Variants in CERS4 observed in about 807,000 individuals in gnomAD.
The protein encoded by CERS4 is ceramide synthase 4.
In CERS4, 65 loss-of-function variants were observed where a neutral mutation model predicts 51.8. That is an observed-to-expected ratio of 1.26 (90% CI 1.03 to 1.54). The LOEUF (loss-of-function observed/expected upper bound fraction) is 1.54. Among genes scored for constraint, CERS4 ranks in the 40% most tolerant of loss-of-function variants. The probability of loss-of-function intolerance (pLI) is 0.00; values close to 1 mark genes in which losing one functional copy is unlikely to be tolerated. For synonymous variants in CERS4, 228 were observed against 208.4 expected, an observed-to-expected ratio of 1.09 and a Z score of -0.81; for missense variants, 563 against 500.4, an observed-to-expected ratio of 1.13 and a Z score of -1.19.
At chr19:8,217,784 G>A (rs148410847) in intron 2 of CERS4, among the ~76,000 whole-genome samples, 8,296 of 151,946 alleles carry the variant, frequency 0.055, 281 homozygotes, top group East Asian at 0.16. Flanking sequence ...TGATCCGCCC[G>A]CCTCGGCCTC....
At chr19:8,260,969 AAAAAAAAAC>A (rs1433028113) in intron 10 of CERS4, 5 of 111,786 alleles carry the variant, frequency 4.5e-5, no homozygotes, top group African/African-American at 1.0e-4. Flanking sequence ...AAAAAAAAAA[AAAAAAAAAC>A]AAGAACCACA....
chr19:8,251,290 G>A (rs751375390), intron 3 of CERS4, 41 bp downstream of exon 3: 23 of 1,532,790 alleles, frequency 1.5e-5, no homozygotes, highest in African/African-American at 8.3e-5. Flanking sequence ...CCCCGCAGTC[G>A]CTCCAGTATG....
At chr19:8,244,930 G>T (rs1968691945) in intron 2 of CERS4, among the ~76,000 whole-genome samples, 1 of 151,914 alleles carries the variant, frequency 6.6e-6, no homozygotes. Flanking sequence ...GGATCACGAG[G>T]TCAGGAGATC....
chr19:8,238,599 A>G (rs571137155), intron 2 of CERS4: 3 of 985,302 alleles, frequency 3.0e-6, no homozygotes, highest in South Asian at 9.4e-5. Flanking sequence ...TTCCCACAGC[A>G]GGCACCAGGC....
At chr19:8,236,958 A>T (rs925994200) in intron 2 of CERS4, among the ~76,000 whole-genome samples, 6 of 127,976 alleles carry the variant, frequency 4.7e-5, no homozygotes, top group African/African-American at 1.7e-4. Flanking sequence ...AACTGAGATC[A>T]GGCCACTGCA....
chr19:8,257,877 A>G lies in CERS4; in HGVS notation c.742-2A>G, dbSNP rs1464327474. The G allele has an allele frequency of 1.9e-6, 3 of 1,612,304 alleles. No homozygotes were observed. Among genetic ancestry groups the G allele is most frequent in the Non-Finnish European group, 2.5e-6 (3 of 1,178,968 alleles). On this transcript the variant is annotated splice_acceptor_variant, in intron 9 of 11. Transcript: ENST00000251363. LOFTEE classifies it high-confidence loss of function. The stretch of plus-strand genomic sequence containing the variant: ...CCCATTTCTCCCTGCTGCCCTTTCC[A>G]GGCCTGTAAGATGGTCAACTACATG...
intron 2 of CERS4, among the ~76,000 whole-genome samples, chr19:8,222,856 A>T (rs1319254598): frequency 6.6e-6 from 1 of 152,168 alleles, no homozygotes; most frequent in African/African-American, 2.4e-5. Context: ...GAAGACGGAC[A>T]GGTGGCCATG....
intron 8 of CERS4, 83 bp from the exon 9 acceptor site, chr19:8,256,866 A>G: frequency 6.2e-7 from 1 of 1,606,192 alleles, no homozygotes. Flanking sequence ...CAACCCCCTG[A>G]AAGGACCCAC....
chr19:8,221,539 T>A (rs1967541736), intron 2 of CERS4, among the ~76,000 whole-genome samples: 1 of 150,366 alleles, frequency 6.7e-6, no homozygotes, highest in Non-Finnish European at 1.5e-5. Flanking sequence ...CCTTTTAACT[T>A]TTTTTTTTCT....
At chr19:8,221,551 ATT>A (rs111753909) in intron 2 of CERS4, among the ~76,000 whole-genome samples, 1 of 142,658 alleles carries the variant, frequency 7.0e-6, no homozygotes, top group Non-Finnish European at 1.5e-5. Flanking sequence ...TTTTTTTCTT[ATT>A]TTTTTTTTTT....
At chr19:8,227,085 A>C (rs1967817879) in intron 2 of CERS4, among the ~76,000 whole-genome samples, 1 of 152,044 alleles carries the variant, frequency 6.6e-6, no homozygotes, top group Non-Finnish European at 1.5e-5. Flanking sequence ...CCAAGATTGC[A>C]CCATTGCACT....
intron 7 of CERS4, 122 bp from the exon 8 acceptor site, chr19:8,256,496 G>A (rs1197026976): frequency 1.9e-6 from 2 of 1,047,238 alleles, no homozygotes; most frequent in East Asian, 2.5e-5. Context: ...CCAGGGATGG[G>A]GAGCTCACTC....
Position 8,261,681 on chromosome 19 carries a change from G to T in CERS4, c.849-7G>T. 1 of 1,613,882 alleles carries T rather than the reference G, an allele frequency of 6.2e-7. No homozygotes were observed. Among genetic ancestry groups the T allele is most frequent in the South Asian group, 1.1e-5 (1 of 91,072 alleles). ...ACCCCAGCCTCCTCCTCTCCCCCTG[G>T]CTGTAGGATCCTCTACACCACATAC... On this transcript the variant is annotated splice_region_variant and splice_polypyrimidine_tract_variant and intron_variant, in intron 10 of 11. Coordinates refer to ENST00000251363, the MANE Select transcript of CERS4 (RefSeq NM_024552.3).
chr19:8,248,228 C>G (rs1016830863), intron 2 of CERS4, among the ~76,000 whole-genome samples: 9 of 152,198 alleles, frequency 5.9e-5, no homozygotes, highest in African/African-American at 2.2e-4. Context: ...AATGTGTTGG[C>G]TTTATTCCCC....
At chr19:8,222,588 T>C (rs540248125) in intron 2 of CERS4, among the ~76,000 whole-genome samples, 2 of 152,000 alleles carry the variant, frequency 1.3e-5, no homozygotes, top group South Asian at 4.2e-4. Flanking sequence ...AACCTCCGCC[T>C]CCTGGGTTCA....
intron 2 of CERS4, among the ~76,000 whole-genome samples, chr19:8,248,593 GTGAA>G (rs111456011): frequency 0.041 from 6,130 of 150,920 alleles, 152 homozygotes; most frequent in African/African-American, 0.053. Context: ...GGATGGATGG[GTGAA>G]TGGGTAGGTG....
At chr19:8,245,125 A>ACAAACAAAAACAAAAAAACAAC (rs1555777251) in intron 2 of CERS4, among the ~76,000 whole-genome samples, 27 of 150,932 alleles carry the variant, frequency 1.8e-4, no homozygotes, top group Middle Eastern at 6.8e-3. Flanking sequence ...AAAAAAAAAA[A>ACAAACAAAAACAAAAAAACAAC]AAAAAAAAAA....
At chr19:8,232,188 A>G (rs1968041458) in intron 2 of CERS4, among the ~76,000 whole-genome samples, 1 of 151,948 alleles carries the variant, frequency 6.6e-6, no homozygotes, top group South Asian at 2.1e-4. Context: ...AAAAATGAGA[A>G]ATTCACCCAG....
rs1270665461 is a variant in CERS4, at chr19:8,224,909, G to A, written c.-2+14047G>A. ...AGACTGGGTGGAGGGTGGGATCTTGGCCAAGAAGCCAGGGGAGGAGGAAAG... is the reference window on the plus strand; with the variant it reads ...AGACTGGGTGGAGGGTGGGATCTTGACCAAGAAGCCAGGGGAGGAGGAAAG... On this transcript the variant is annotated intron_variant, in intron 2 of 11. Coordinates refer to ENST00000251363, the MANE Select transcript of CERS4 (RefSeq NM_024552.3). 9 of 152,574 alleles carry A rather than the reference G, an allele frequency of 5.9e-5. No individual in the cohort carries two copies. The Admixed American group carries it at 5.9e-4, about 10-fold the overall frequency. The allele number at this position is 152,574 out of a possible 1,614,324, so 9.5% of individuals were successfully genotyped here. A position where few individuals can be genotyped will look rare whatever the true frequency, so the allele number is the denominator to read the frequency against.
Sources: gnomAD v4.1 joint callset for allele counts (sites outside exome capture counted in the v4.1 genomes callset) on GRCh38, gnomAD v4.1.1 for gene constraint, MANE v1.5 for transcripts, NCBI Gene and HGNC (gene_info 2026-07-23, HGNC 2026-07-21) for gene names.